The following NEGR1 variants were observed in gnomAD, a reference collection of about 807,000 sequenced individuals.
NEGR1 encodes neuronal growth regulator 1.
In NEGR1, 10 loss-of-function variants were observed where a neutral mutation model predicts 40.9. The ratio of observed to expected loss-of-function variants is 0.24; its 90% confidence interval spans 0.15 to 0.42. The LOEUF is 0.42. NEGR1 is among the 10% of genes least tolerant of loss of function. The pLI is 1.00. For missense variants in NEGR1, 352 were observed against 438.9 expected, an observed-to-expected ratio of 0.80 and a Z score of 1.77; for synonymous variants, 185 against 166.8, an observed-to-expected ratio of 1.11 and a Z score of -0.84.
At chr1:71,734,866 T>C (rs1253444247) in intron 3 of NEGR1, among the ~76,000 whole-genome samples, 1 of 152,154 alleles carries the variant, frequency 6.6e-6, no homozygotes. Flanking sequence ...CATTGTCCTC[T>C]TCAGTTCTCT....
intron 5 of NEGR1, among the ~76,000 whole-genome samples, chr1:71,594,855 A>C (rs1051723890): frequency 6.6e-6 from 1 of 152,188 alleles, no homozygotes; most frequent in African/African-American, 2.4e-5. Flanking sequence ...TGATAGACAC[A>C]TTCTCCAGAG....
At position 71,492,656 on chromosome 1, in the gene NEGR1, T is replaced by C. The variant is rs72936129; in HGVS notation, c.941-85086A>G. On this transcript the variant is annotated intron_variant, in intron 6 of 6. Transcript: ENST00000357731. ...TCAGATTTTTATCTCTAAATAACTG[T>C]ATGAAAATATTTACTGAATATGTGC... Among the ~76,000 whole-genome samples the C allele has an allele frequency of 4.0e-3, 613 of 152,224 alleles. 2 individuals carry two copies. Among genetic ancestry groups the C allele is most frequent in the African/African-American group, 0.014 (594 of 41,558 alleles).
chr1:71,626,937 C>T (rs1304295393), intron 4 of NEGR1, among the ~76,000 whole-genome samples: 1 of 152,130 alleles, frequency 6.6e-6, no homozygotes, highest in African/African-American at 2.4e-5. Flanking sequence ...AAATCAAAAC[C>T]ACAATGAGAT....
At chr1:71,734,488 A>C (rs771544132) in intron 3 of NEGR1, among the ~76,000 whole-genome samples, 48 of 152,284 alleles carry the variant, frequency 3.2e-4, no homozygotes, top group South Asian at 8.3e-4. Flanking sequence ...TGTTACAATT[A>C]TTTTGATTAT....
At chr1:71,862,452 G>C (rs1490223839) in intron 2 of NEGR1, among the ~76,000 whole-genome samples, 1 of 151,982 alleles carries the variant, frequency 6.6e-6, no homozygotes, top group Admixed American at 6.6e-5. Flanking sequence ...ACCCAAATCT[G>C]TTCTGGACTA....
intron 1 of NEGR1, among the ~76,000 whole-genome samples, chr1:72,100,271 T>G (rs1276295739): frequency 6.6e-6 from 1 of 152,154 alleles, no homozygotes; most frequent in Non-Finnish European, 1.5e-5. Flanking sequence ...AACATAAACT[T>G]TCTATACTAG....
chr1:72,074,061 G>T (rs559880839), intron 1 of NEGR1, among the ~76,000 whole-genome samples: 1 of 152,106 alleles, frequency 6.6e-6, no homozygotes, highest in South Asian at 2.1e-4. Context: ...TATCACCTCT[G>T]AAATTAGGAT....
Position 71,592,782 on chromosome 1 carries a change from CCCTGGAAGCATTTTGGTA to C in NEGR1, c.940+17_940+34del. ...TACAGATGGATAGGGGCCCAGAGGC[CCCTGGAAGCATTTTGGTA>C]CCATTGCATTACTTACGGTTAAGAG... is the stretch of plus-strand genomic sequence containing the variant. On this transcript the variant is annotated intron_variant, in intron 6 of 6. Coordinates refer to ENST00000357731, the MANE Select transcript of NEGR1 (RefSeq NM_173808.3). 1 of 1,577,338 alleles carries C rather than the reference CCCTGGAAGCATTTTGGTA, an allele frequency of 6.3e-7. No homozygotes were observed. Among genetic ancestry groups the C allele is most frequent in the Non-Finnish European group, 8.7e-7 (1 of 1,153,898 alleles).
At chr1:71,558,002 T>G (rs1648308407) in intron 6 of NEGR1, among the ~76,000 whole-genome samples, 1 of 151,552 alleles carries the variant, frequency 6.6e-6, no homozygotes. Context: ...TATTTTCTCA[T>G]GATTAGACTC....
chr1:71,671,565 C>A (rs980814141), intron 4 of NEGR1, among the ~76,000 whole-genome samples: 2 of 152,126 alleles, frequency 1.3e-5, no homozygotes, highest in Non-Finnish European at 2.9e-5. Flanking sequence ...GTAATGATTT[C>A]CAGGTTATTG....
intron 2 of NEGR1, among the ~76,000 whole-genome samples, chr1:71,823,988 G>A (rs546741): frequency 0.65 from 98,615 of 151,892 alleles, 32,307 homozygotes; most frequent in Admixed American, 0.72. Context: ...TCTTTTGTGA[G>A]TGTCTACAGA....
At chr1:72,206,482 C>T (rs1230188404) in intron 1 of NEGR1, among the ~76,000 whole-genome samples, 1 of 152,074 alleles carries the variant, frequency 6.6e-6, no homozygotes, top group Non-Finnish European at 1.5e-5. Flanking sequence ...ATACAACTTG[C>T]TATTTTTCTA....
rs549342043 is a variant in NEGR1, at chr1:72,018,972, C to A, written c.177-83661G>T. 2.0e-5 allele frequency among the ~76,000 whole-genome samples: 3 copies of A among 152,098 alleles called. No homozygotes were observed. In the East Asian group the frequency reaches 5.8e-4, roughly 30 times the overall value. On this transcript the variant is annotated intron_variant, in intron 1 of 6. Coordinates refer to ENST00000357731, the MANE Select transcript of NEGR1 (RefSeq NM_173808.3). ...GCAGGAGTGAAAGCAGCAAGACCTA[C>A]CAAGAAATGTGGAGGAACATGAGGG...
At chr1:71,937,222 C>T (rs939759265) in intron 1 of NEGR1, among the ~76,000 whole-genome samples, 3 of 152,070 alleles carry the variant, frequency 2.0e-5, no homozygotes, top group African/African-American at 4.8e-5. Flanking sequence ...AAAGCTTGTC[C>T]TTATGTATTT....
At chr1:71,694,050 C>A (rs1287282280) in intron 4 of NEGR1, among the ~76,000 whole-genome samples, 1 of 151,444 alleles carries the variant, frequency 6.6e-6, no homozygotes, top group African/African-American at 2.4e-5. Flanking sequence ...TTTTGTTTTT[C>A]AATTCACTTG....
chr1:72,112,779 C>T (rs1649425535), intron 1 of NEGR1, among the ~76,000 whole-genome samples: 1 of 151,672 alleles, frequency 6.6e-6, no homozygotes, highest in African/African-American at 2.4e-5. Flanking sequence ...CTCCACTCCA[C>T]CTCCCTCACT....
chr1:71,717,526 T>C (rs548786241), intron 3 of NEGR1, among the ~76,000 whole-genome samples: 3 of 152,322 alleles, frequency 2.0e-5, no homozygotes, highest in African/African-American at 7.2e-5. Flanking sequence ...GTCTGTACAT[T>C]ATTCACAATT....
At chr1:71,710,402 A>G (rs960879402) in intron 3 of NEGR1, among the ~76,000 whole-genome samples, 3 of 152,220 alleles carry the variant, frequency 2.0e-5, no homozygotes, top group Admixed American at 6.5e-5. Flanking sequence ...GAAAATCAGT[A>G]TATCAAGGAG....
chr1:71,632,912 A>C (rs374464636), intron 4 of NEGR1, among the ~76,000 whole-genome samples: 15 of 152,214 alleles, frequency 9.9e-5, no homozygotes, highest in Admixed American at 8.5e-4. Flanking sequence ...AAAAATAACA[A>C]AGTGATAGGT....
Sources: gnomAD v4.1 joint callset for allele counts (sites outside exome capture counted in the v4.1 genomes callset) on GRCh38, gnomAD v4.1.1 for gene constraint, MANE v1.5 for transcripts, NCBI Gene and HGNC (gene_info 2026-07-23, HGNC 2026-07-21) for gene names.